Variants in PCM1 observed in about 807,000 individuals in gnomAD.
PCM1 encodes pericentriolar material 1, also known as pericentriolar material 1 protein.
A neutral mutation model predicts 241.9 loss-of-function variants in PCM1; 157 were observed. That is an observed-to-expected ratio of 0.65 (90% CI 0.57 to 0.74). The LOEUF is 0.74. Among genes scored for constraint, PCM1 ranks in the 30% least tolerant of loss-of-function variants. The pLI is 0.00. For synonymous variants in PCM1, 1,085 were observed against 784.9 expected, an observed-to-expected ratio of 1.38 and a Z score of -6.39; for missense variants, 3,478 against 2,360.1, an observed-to-expected ratio of 1.47 and a Z score of -9.81.
At chr8:18,018,865 T>C (rs1392411572) in intron 36 of PCM1, among the ~76,000 whole-genome samples, 6 of 66,002 alleles carry the variant, frequency 9.1e-5, no homozygotes, top group East Asian at 6.2e-4. Context: ...TATATATATA[T>C]ATATATATAT....
In PCM1 at chr8:17,960,094, G is replaced by A. The variant is rs1423949374; in HGVS notation, c.2121G>A (p.Lys707=). 5.6e-6 allele frequency: 9 copies of A among 1,608,358 alleles called. No individual in the cohort carries two copies. Among genetic ancestry groups the A allele is most frequent in the Non-Finnish European group, 7.6e-6 (9 of 1,176,744 alleles). The stretch of plus-strand genomic sequence containing the variant: ...TCTACCCAGCAGAAGAAGACACCAA[G>A]CAAAATTCAAATAACACTAGAGGAA... ...DDFYPAEEDT[K]QNSNNTRGNA... is the part of the protein sequence containing the mutation. Residue 707 remains lysine (K), a synonymous_variant, in exon 14 of 39, where the codon AAG becomes AAA. Transcript: ENST00000325083.
In PCM1 at chr8:17,980,769, T is replaced by G. The variant is rs532384599; in HGVS notation, c.4108+14T>G. 3 of 1,585,482 alleles carry G rather than the reference T, an allele frequency of 1.9e-6. No homozygotes were observed. The African/African-American group carries it at 4.0e-5, about 21-fold the overall frequency. Reference sequence around the variant, plus strand: ...AAATATCTTCAGGTATGTTCTTTTTTGGTTTGCATTAATATAAGGAGGTTT... The same window carrying G: ...AAATATCTTCAGGTATGTTCTTTTTGGGTTTGCATTAATATAAGGAGGTTT... On this transcript the variant is annotated intron_variant, in intron 24 of 38. Transcript: ENST00000325083.
Position 17,961,439 on chromosome 8 carries a change from T to C in PCM1, c.2323-595T>C, listed in dbSNP as rs530493445. On this transcript the variant is annotated intron_variant, in intron 15 of 38. Coordinates refer to ENST00000325083, the MANE Select transcript of PCM1 (RefSeq NM_006197.4). Reference sequence around the variant, plus strand: ...CATTCTCCTGCCTCAGCCTCCCGAGTAGCTGGGACTACAGGTGCCCGCCAC... The same window carrying C: ...CATTCTCCTGCCTCAGCCTCCCGAGCAGCTGGGACTACAGGTGCCCGCCAC... Among the ~76,000 whole-genome samples, 21 of 150,568 alleles carry C rather than the reference T, an allele frequency of 1.4e-4. No homozygotes were observed. The East Asian group carries it at 3.6e-3, about 26-fold the overall frequency.
At position 17,955,507 on chromosome 8, in the gene PCM1, A is replaced by G. The variant is rs1347704828; in HGVS notation, c.1326A>G (p.Ser442=). The G allele has an allele frequency of 1.2e-6, 2 of 1,613,276 alleles. No homozygotes were observed. The highest frequency in any genetic ancestry group is 2.2e-5 in the South Asian group (2 of 90,874). ...GGAGTGTCGATCAGAGAAGTACTTC[A>G]GCTCCCTCTGCTTCTGTAGGCTTGG... ...PQRSVDQRST[S]APSASVGLAP... The change falls in exon 10 of 39, where the codon TCA becomes TCG. Residue 442 remains serine, a synonymous_variant. Transcript: ENST00000325083.
intron 36 of PCM1, among the ~76,000 whole-genome samples, chr8:18,017,353 G>C (rs1417638668): frequency 6.6e-6 from 1 of 152,170 alleles, no homozygotes; most frequent in Non-Finnish European, 1.5e-5. Flanking sequence ...CTAGAGTCTG[G>C]TGACTTGATT....
chr8:17,976,037 A>G (rs572850147), intron 23 of PCM1, among the ~76,000 whole-genome samples: 1 of 152,326 alleles, frequency 6.6e-6, no homozygotes, highest in East Asian at 1.9e-4. Flanking sequence ...CTGTTAAGGT[A>G]CAGCCTTCTG....
At chr8:17,974,371 A>G (rs13248381) in intron 23 of PCM1, among the ~76,000 whole-genome samples, 18,784 of 152,244 alleles carry the variant, frequency 0.12, 1,553 homozygotes, top group East Asian at 0.39. Context: ...AAAAGCTGAC[A>G]TTTTAAATTT....
intron 29 of PCM1, among the ~76,000 whole-genome samples, chr8:17,999,254 A>T (rs1185338694): frequency 6.6e-6 from 1 of 152,008 alleles, no homozygotes; most frequent in African/African-American, 2.4e-5. Context: ...TATACGTTGG[A>T]TCTCACCTGA....
rs781626617 is a variant in PCM1, at chr8:17,957,235, A to G, written c.1647-29A>G. 1.2e-5 allele frequency: 18 copies of G among 1,540,194 alleles called. No homozygotes were observed. In the East Asian group the frequency reaches 3.0e-4, roughly 25 times the overall value. On this transcript the variant is annotated intron_variant, in intron 11 of 38. Coordinates refer to ENST00000325083, the MANE Select transcript of PCM1 (RefSeq NM_006197.4). Reference sequence around the variant, plus strand: ...CTTTCTCTCTTTTTTTGTGCCTTAAATGACTTCAGGCTGTTTTCTTTCTTC... The same window carrying G: ...CTTTCTCTCTTTTTTTGTGCCTTAAGTGACTTCAGGCTGTTTTCTTTCTTC...
At chr8:17,950,584 C>T (rs182571179) in intron 7 of PCM1, 31 bp from the exon 8 acceptor site, 19 of 1,031,610 alleles carry the variant, frequency 1.8e-5, no homozygotes, top group Non-Finnish European at 2.7e-5. Flanking sequence ...TGATTATTTA[C>T]ATTAATCAGT....
At chr8:17,987,447 C>T (rs973482264) in intron 26 of PCM1, among the ~76,000 whole-genome samples, 2 of 151,750 alleles carry the variant, frequency 1.3e-5, no homozygotes, top group African/African-American at 4.8e-5. Flanking sequence ...GAGATTGGAG[C>T]ACATTGGTTT....
rs776680871 is a variant in PCM1 at position 17,964,726 on chromosome 8, G to A, written c.2813G>A (p.Ser938Asn). 4 of 1,613,834 alleles carry A rather than the reference G, an allele frequency of 2.5e-6. No homozygotes were observed. Among genetic ancestry groups the A allele is most frequent in the East Asian group, 2.2e-5 (1 of 44,872 alleles). ...AACTTTTCTGTGTGTCCTTCTAACA[G>A]TGTGAATCATAACTCCTACAATGGA... is the stretch of plus-strand genomic sequence containing the variant. ...NDNFSVCPSN[S>N]VNHNSYNGKE... Residue 938 changes from serine (S) to asparagine (N), a missense_variant, in exon 18 of 39, where the codon AGT becomes AAT. Transcript: ENST00000325083.
chr8:17,954,325 G>T (rs573526432), intron 9 of PCM1, among the ~76,000 whole-genome samples: 2 of 152,058 alleles, frequency 1.3e-5, no homozygotes, highest in African/African-American at 4.8e-5. Flanking sequence ...TACTCCGGAG[G>T]CTGAGGTAGG....
chr8:17,969,095 A>G (rs2076024727), intron 21 of PCM1, among the ~76,000 whole-genome samples: 1 of 152,106 alleles, frequency 6.6e-6, no homozygotes, highest in Non-Finnish European at 1.5e-5. Context: ...GTATTTAATT[A>G]TATTCTACTT....
At chr8:18,025,234 T>G in intron 36 of PCM1, 127 bp from the exon 37 acceptor site, 1 of 504,998 alleles carries the variant, frequency 2.0e-6, no homozygotes, top group Non-Finnish European at 3.6e-6. Context: ...TTCTAAATTA[T>G]TCATAGAGCT....
At chr8:17,971,086 A>G (rs537100313) in intron 22 of PCM1, among the ~76,000 whole-genome samples, 1 of 152,232 alleles carries the variant, frequency 6.6e-6, no homozygotes, top group South Asian at 2.1e-4. Context: ...GTGTTCTGCA[A>G]TAACACTTTA....
chr8:17,951,934 A>T (rs117007814), intron 8 of PCM1, among the ~76,000 whole-genome samples: 28 of 150,532 alleles, frequency 1.9e-4, no homozygotes, highest in Non-Finnish European at 2.5e-4. Context: ...AAAAAAATTT[A>T]AAAAAAGGCC....
Position 18,006,363 on chromosome 8 carries a change from A to G in PCM1, c.4928A>G (p.Lys1643Arg). Residue 1643 changes from lysine to arginine, a missense_variant, in exon 30 of 39, where the codon AAG becomes AGG. Transcript: ENST00000325083. ...QQNDESKEFV[K>R]FFHKQLGSIL... ...AATGATGAGAGCAAAGAGTTTGTAA[A>G]GTTCTTTCATAAACAACTTGGAAGT... 6.2e-7 allele frequency: 1 copy of G among 1,613,060 alleles called. No individual in the cohort carries two copies.
chr8:17,979,123 CAAAAG>C (rs1414458449), intron 23 of PCM1, among the ~76,000 whole-genome samples: 3 of 100,020 alleles, frequency 3.0e-5, no homozygotes, highest in African/African-American at 8.0e-5. Flanking sequence ...GACTCAGTCT[CAAAAG>C]AAAAGAAAAA....
Sources: allele counts gnomAD v4.1 joint callset (sites outside exome capture counted in the v4.1 genomes callset), GRCh38; gene constraint gnomAD v4.1.1; transcripts MANE v1.5; gene names NCBI Gene and HGNC (gene_info 2026-07-23, HGNC 2026-07-21).